Variants in HIPK2 observed in about 807,000 individuals in gnomAD.
The protein encoded by HIPK2 is homeodomain interacting protein kinase 2.
A neutral mutation model predicts 113.7 loss-of-function variants in HIPK2; 27 were observed. The observed-to-expected ratio is 0.24, with a 90% CI of 0.17 to 0.33. The LOEUF (loss-of-function observed/expected upper bound fraction) is 0.33, where lower values mean the gene tolerates loss of function less well. Ranked by LOEUF, HIPK2 falls within the 10% of genes least tolerant of loss-of-function variation. The probability of loss-of-function intolerance (pLI) is 1.00; values close to 1 mark genes in which losing one functional copy is unlikely to be tolerated. For missense variants in HIPK2, 1,257 were observed against 1,588.0 expected (o/e 0.79, Z 3.54); for synonymous variants, 631 against 642.2 (o/e 0.98, Z 0.26).
At chr7:139,579,173 C>T (rs1019785854) in intron 13 of HIPK2, among the ~76,000 whole-genome samples, 5 of 152,158 alleles carry the variant, frequency 3.3e-5, no homozygotes, top group African/African-American at 1.2e-4. Context: ...CTAAAGCAGT[C>T]CACATTTGAG....
chr7:139,613,063 G>T lies in HIPK2; in HGVS notation c.2112+139C>A. 1 of 1,024,412 alleles carries T rather than the reference G, an allele frequency of 9.8e-7. No homozygotes were observed. Among genetic ancestry groups the T allele is most frequent in the Non-Finnish European group, 1.4e-6 (1 of 723,832 alleles). The allele number at this position is 1,024,412 out of a possible 1,614,324, so 63.5% of individuals were successfully genotyped here. A position where few individuals can be genotyped will look rare whatever the true frequency, so the allele number is the denominator to read the frequency against. ...AGGTAATTCACTTGGGGACCATTTA[G>T]AATATTACAGATACATTCCAATGAC... On this transcript the variant is annotated intron_variant, in intron 9 of 14. Transcript: ENST00000406875. The surrounding 1 kb of genome is among the most constrained non-coding windows in gnomAD (Gnocchi z 4.2).
intron 1 of HIPK2, chr7:139,722,063 A>G (rs1585421110): frequency 8.4e-6 from 4 of 478,014 alleles, no homozygotes; most frequent in South Asian, 3.1e-5. Context: ...TGAATCTCAG[A>G]TATGCATGGG....
At chr7:139,750,359 A>G (rs1410568882) in intron 1 of HIPK2, among the ~76,000 whole-genome samples, 1 of 152,242 alleles carries the variant, frequency 6.6e-6, no homozygotes, top group Admixed American at 6.5e-5. Context: ...TAAAGCCTCA[A>G]TTGATGAGCT....
intron 12 of HIPK2, 109 bp downstream of exon 12, chr7:139,596,608 G>C: frequency 7.0e-7 from 1 of 1,433,226 alleles, no homozygotes. Flanking sequence ...CAAACTGTAA[G>C]GGTCAGAAGA....
At chr7:139,756,792 A>G (rs926815578) in intron 1 of HIPK2, among the ~76,000 whole-genome samples, 3 of 152,178 alleles carry the variant, frequency 2.0e-5, no homozygotes, top group African/African-American at 7.2e-5. Flanking sequence ...GGGAGTTCCC[A>G]TACACACCGC....
chr7:139,586,073 C>A (rs931445944), intron 12 of HIPK2, among the ~76,000 whole-genome samples: 1 of 152,018 alleles, frequency 6.6e-6, no homozygotes, highest in Non-Finnish European at 1.5e-5. Flanking sequence ...TGTCACAAAG[C>A]CTCCGTGATT....
intron 2 of HIPK2, among the ~76,000 whole-genome samples, chr7:139,638,850 G>A (rs752410956): frequency 3.3e-5 from 5 of 152,004 alleles, no homozygotes; most frequent in Non-Finnish European, 7.4e-5. Flanking sequence ...GTAAAGACGC[G>A]GTTTCACCAT....
At chr7:139,770,146 T>C (rs73475922) in intron 1 of HIPK2, among the ~76,000 whole-genome samples, 13,566 of 152,266 alleles carry the variant, frequency 0.089, 2,013 homozygotes, top group African/African-American at 0.31. Flanking sequence ...TCTGTACAGT[T>C]TCAAAAACGT....
rs776731877 is a variant in HIPK2, at chr7:139,626,622, A to G, written c.1598T>C (p.Leu533Pro). 6.2e-7 allele frequency: 1 copy of G among 1,613,830 alleles called. No individual in the cohort carries two copies. Among genetic ancestry groups the G allele is most frequent in the South Asian group, 1.1e-5 (1 of 91,076 alleles). Residue 533 changes from leucine to proline, a missense_variant, in exon 6 of 15, where the codon CTC becomes CCC. By Grantham distance (98) the Leu-to-Pro change is moderately conservative. Transcript: ENST00000406875. The part of the protein sequence containing the change: ...NHPFVTMTHL[L>P]DFPHSTHVKS... Reference sequence around the variant, plus strand: ...CTACTGTGTGCTGTGGGGAAAATCGAGTAAGTGTGTCATGGTGACAAAGGG... The same window carrying G: ...CTACTGTGTGCTGTGGGGAAAATCGGGTAAGTGTGTCATGGTGACAAAGGG...
At chr7:139,711,315 C>A (rs1162821712) in intron 2 of HIPK2, among the ~76,000 whole-genome samples, 1 of 152,084 alleles carries the variant, frequency 6.6e-6, no homozygotes, top group East Asian at 1.9e-4. Flanking sequence ...GTAGTCCCAG[C>A]TACTCAGGAG....
chr7:139,580,120 G>A (rs1798620921), intron 13 of HIPK2, among the ~76,000 whole-genome samples: 1 of 152,208 alleles, frequency 6.6e-6, no homozygotes, highest in Admixed American at 6.5e-5. Context: ...CAGCCACAAT[G>A]TGGCTGTGTT....
chr7:139,649,713 A>G (rs1277608579), intron 2 of HIPK2, among the ~76,000 whole-genome samples: 1 of 151,988 alleles, frequency 6.6e-6, no homozygotes, highest in Non-Finnish European at 1.5e-5. Context: ...GTCCCAGAAA[A>G]CTTCTGGGGC....
intron 2 of HIPK2, among the ~76,000 whole-genome samples, chr7:139,713,324 C>A (rs923907475): frequency 3.3e-5 from 5 of 152,150 alleles, no homozygotes; most frequent in Non-Finnish European, 5.9e-5. Context: ...CCCTCACAGG[C>A]AAACTTTTAC....
intron 12 of HIPK2, among the ~76,000 whole-genome samples, chr7:139,592,709 A>G (rs534066667): frequency 6.6e-6 from 1 of 152,384 alleles, no homozygotes; most frequent in South Asian, 2.1e-4. Flanking sequence ...AGAGTCCAGG[A>G]GAGAAAAGAT....
At chr7:139,761,371 G>T (rs1796461492) in intron 1 of HIPK2, among the ~76,000 whole-genome samples, 1 of 152,320 alleles carries the variant, frequency 6.6e-6, no homozygotes, top group South Asian at 2.1e-4. Context: ...AAGTGTAACT[G>T]GACGATGGTG....
intron 7 of HIPK2, among the ~76,000 whole-genome samples, chr7:139,614,960 G>A (rs892716861): frequency 6.6e-6 from 1 of 152,200 alleles, no homozygotes; most frequent in Non-Finnish European, 1.5e-5. Flanking sequence ...GCTGGACCTT[G>A]CCCTCCTTCT....
intron 1 of HIPK2, among the ~76,000 whole-genome samples, chr7:139,742,506 CT>C (rs905654485): frequency 2.1e-4 from 32 of 149,920 alleles, no homozygotes; most frequent in African/African-American, 6.1e-4. Flanking sequence ...AGGGAAACTT[CT>C]TTTTTTTTTC....
At chr7:139,626,819 A>T in intron 5 of HIPK2, 34 bp from the exon 6 acceptor site, 1 of 1,610,070 alleles carries the variant, frequency 6.2e-7, no homozygotes, top group Non-Finnish European at 8.5e-7. Flanking sequence ...ACCAAGGAAG[A>T]CCCCAGCGTG....
rs115548188 is a variant in HIPK2 at position 139,562,373 on chromosome 7, A to T, written c.*10554T>A. ...CCACGTTCCTTGGACCTGGTGACTT[A>T]GTGTCGCCGGGTCTCCTCTTCCCTG... is the stretch of plus-strand genomic sequence containing the variant. On this transcript the variant is annotated 3_prime_UTR_variant, in exon 15 of 15. Transcript: ENST00000406875. 6.6e-6 allele frequency: 1 copy of T among 152,206 alleles called. No homozygotes were observed. The highest frequency in any genetic ancestry group is 2.4e-5 in the African/African-American group (1 of 41,442). 9.4% of individuals were successfully genotyped at this position (152,206 alleles called of 1,614,324 possible). A position where few individuals can be genotyped will look rare whatever the true frequency, so the allele number is the denominator to read the frequency against.
Sources: gnomAD v4.1 joint callset for allele counts (sites outside exome capture counted in the v4.1 genomes callset) on GRCh38, gnomAD v4.1.1 for gene constraint, Gnocchi (gnomAD v3.1) non-coding constraint, MANE v1.5 for transcripts, NCBI Gene and HGNC (gene_info 2026-07-23, HGNC 2026-07-21) for gene names.